Variants in CSMD1 observed in about 807,000 individuals in gnomAD.
The protein encoded by CSMD1 is CUB and sushi domain-containing protein 1.
In CSMD1, 213 loss-of-function variants were observed where a neutral mutation model predicts 417.5. The ratio of observed to expected loss-of-function variants is 0.51; its 90% confidence interval spans 0.46 to 0.57. CSMD1 has a LOEUF of 0.57. CSMD1 is among the 20% of genes least tolerant of loss of function. The pLI, the probability that CSMD1 is intolerant of heterozygous loss-of-function variation, is 0.00. For missense variants in CSMD1, 6,923 were observed against 4,529.7 expected, an observed-to-expected ratio of 1.53 and a Z score of -15.17; for synonymous variants, 2,862 against 1,736.8, an observed-to-expected ratio of 1.65 and a Z score of -16.11.
chr8:4,078,370 A>G (rs898695192), intron 3 of CSMD1, among the ~76,000 whole-genome samples: 4 of 138,928 alleles, frequency 2.9e-5, no homozygotes, highest in Non-Finnish European at 6.0e-5. Context: ...GCTGGAGTGC[A>G]GTGGCGTGAT....
intron 23 of CSMD1, among the ~76,000 whole-genome samples, chr8:3,327,428 C>A (rs540324741): frequency 4.6e-5 from 7 of 152,262 alleles, no homozygotes; most frequent in African/African-American, 1.7e-4. Flanking sequence ...CCACCTCGTC[C>A]GGCCTACAAT....
At chr8:4,896,901 G>A (rs866299112) in intron 1 of CSMD1, among the ~76,000 whole-genome samples, 1 of 151,796 alleles carries the variant, frequency 6.6e-6, no homozygotes, top group South Asian at 2.1e-4. Context: ...ACAGTATCTT[G>A]GGCTCCTTTA....
At chr8:3,655,671 T>TGG (rs1563239770) in intron 7 of CSMD1, among the ~76,000 whole-genome samples, 1 of 150,062 alleles carries the variant, frequency 6.7e-6, no homozygotes, top group Non-Finnish European at 1.5e-5. Context: ...TTTTTTTTTT[T>TGG]TTTTTTTTTT....
intron 4 of CSMD1, among the ~76,000 whole-genome samples, chr8:4,024,042 T>C (rs945832147): frequency 7.9e-5 from 12 of 152,114 alleles, no homozygotes; most frequent in East Asian, 1.9e-4. Context: ...TGAGAGAACA[T>C]AGAGGCCAAA....
intron 3 of CSMD1, among the ~76,000 whole-genome samples, chr8:4,203,387 C>A (rs796179454): frequency 6.6e-6 from 1 of 152,168 alleles, no homozygotes; most frequent in Non-Finnish European, 1.5e-5. Flanking sequence ...GAGGTGAGAT[C>A]TTTGTGGTTT....
intron 10 of CSMD1, among the ~76,000 whole-genome samples, chr8:3,560,622 G>C (rs766026162): frequency 3.3e-5 from 5 of 152,172 alleles, no homozygotes; most frequent in African/African-American, 7.2e-5. Context: ...GGGGGAATGA[G>C]ATGGCGGGAT....
At chr8:3,541,623 C>T (rs994917008) in intron 10 of CSMD1, among the ~76,000 whole-genome samples, 1 of 149,706 alleles carries the variant, frequency 6.7e-6, no homozygotes, top group African/African-American at 2.4e-5. Flanking sequence ...ATGATTTTTA[C>T]AGGTAGACGT....
At chr8:3,678,241 G>C (rs986835125) in intron 7 of CSMD1, among the ~76,000 whole-genome samples, 17 of 152,184 alleles carry the variant, frequency 1.1e-4, no homozygotes, top group African/African-American at 3.6e-4. Flanking sequence ...ACTTCTCCGA[G>C]CTAAAGGAGG....
chr8:4,379,998 G>C (rs1051444105), intron 3 of CSMD1, among the ~76,000 whole-genome samples: 2 of 152,252 alleles, frequency 1.3e-5, no homozygotes, highest in Non-Finnish European at 1.5e-5. Context: ...CAGTATTGCA[G>C]AGAGGACTGC....
At chr8:4,671,569 C>A (rs929267614) in intron 1 of CSMD1, among the ~76,000 whole-genome samples, 4 of 152,192 alleles carry the variant, frequency 2.6e-5, no homozygotes, top group Non-Finnish European at 5.9e-5. Flanking sequence ...GTGAATTCAC[C>A]AGACACTTTG....
intron 3 of CSMD1, among the ~76,000 whole-genome samples, chr8:4,094,178 A>C (rs1800877121): frequency 6.6e-6 from 1 of 151,888 alleles, no homozygotes; most frequent in South Asian, 2.1e-4. Context: ...TGTGGTGAGC[A>C]CTCTTTGGAG....
chr8:3,663,955 C>T (rs903957040), intron 7 of CSMD1, among the ~76,000 whole-genome samples: 5 of 152,172 alleles, frequency 3.3e-5, no homozygotes, highest in Admixed American at 3.3e-4. Context: ...AGAACCAAGG[C>T]TTTGTTCAAA....
intron 3 of CSMD1, among the ~76,000 whole-genome samples, chr8:4,304,996 C>T (rs1798168725): frequency 6.6e-6 from 1 of 152,162 alleles, no homozygotes; most frequent in African/African-American, 2.4e-5. Flanking sequence ...AATGCCTGTT[C>T]TTACAGGACC....
intron 2 of CSMD1, among the ~76,000 whole-genome samples, chr8:4,513,417 C>A (rs889236833): frequency 6.6e-6 from 1 of 152,100 alleles, no homozygotes; most frequent in African/African-American, 2.4e-5. Context: ...AATTTTAATT[C>A]TACTAATGAT....
intron 4 of CSMD1, among the ~76,000 whole-genome samples, chr8:4,020,077 A>C (rs957733548): frequency 2.0e-5 from 3 of 152,196 alleles, no homozygotes; most frequent in Admixed American, 1.3e-4. Context: ...AGAGACAGTA[A>C]TTATAGCAGC....
intron 3 of CSMD1, among the ~76,000 whole-genome samples, chr8:4,255,912 C>G (rs1020678057): frequency 7.9e-5 from 12 of 152,182 alleles, no homozygotes; most frequent in African/African-American, 2.9e-4. Context: ...CAGAGGTAGC[C>G]TTTGTTGTGT....
intron 12 of CSMD1, among the ~76,000 whole-genome samples, chr8:3,437,017 T>G (rs1002318162): frequency 6.6e-6 from 1 of 152,220 alleles, no homozygotes; most frequent in Non-Finnish European, 1.5e-5. Context: ...AAAACCTGGC[T>G]TATTGCTCAT....
At chr8:4,708,902 G>A (rs1808114328) in intron 1 of CSMD1, among the ~76,000 whole-genome samples, 1 of 152,298 alleles carries the variant, frequency 6.6e-6, no homozygotes. Flanking sequence ...GAGTGACAAT[G>A]TGAGCAAATA....
chr8:3,230,982 T>G lies in CSMD1; in HGVS notation c.4154-751A>C, dbSNP rs74609663. On this transcript the variant is annotated intron_variant, in intron 26 of 69. Coordinates refer to ENST00000635120, the MANE Select transcript of CSMD1 (RefSeq NM_033225.6). ...GGAGCCTTATCATATCAGTTTCTGG[T>G]AATCATGTGTAAAGTGCATTGCAAA... Among the ~76,000 whole-genome samples, 838 of 152,250 alleles carry G rather than the reference T, an allele frequency of 5.5e-3. 5 individuals are homozygous for G. Among genetic ancestry groups the G allele is most frequent in the African/African-American group, 0.019 (781 of 41,540 alleles).
Sources: allele counts gnomAD v4.1 joint callset (sites outside exome capture counted in the v4.1 genomes callset), GRCh38; gene constraint gnomAD v4.1.1; transcripts MANE v1.5; gene names NCBI Gene and HGNC (gene_info 2026-07-23, HGNC 2026-07-21).